MSRA: variants seen among roughly 807,000 people sequenced by gnomAD.
The protein encoded by MSRA is mitochondrial peptide methionine sulfoxide reductase.
A neutral mutation model predicts 31.3 loss-of-function variants in MSRA; 54 were observed. The observed-to-expected ratio is 1.73, with a 90% confidence interval of 1.39 to 2.17. MSRA has a LOEUF of 2.17. Among genes scored for constraint, MSRA ranks in the 30% most tolerant of loss-of-function variants. The pLI, the probability that MSRA is intolerant of heterozygous loss-of-function variation, is 0.00. For synonymous variants in MSRA, 169 were observed against 116.5 expected, an observed-to-expected ratio of 1.45 and a Z score of -2.90; for missense variants, 507 against 300.9, an observed-to-expected ratio of 1.69 and a Z score of -5.07.
chr8:10,216,209 A>G (rs1051548880), intron 2 of MSRA, among the ~76,000 whole-genome samples: 2 of 152,224 alleles, frequency 1.3e-5, no homozygotes, highest in African/African-American at 4.8e-5. Flanking sequence ...AATATATGCA[A>G]GACACAGCCA....
chr8:10,069,418 G>A (rs542778952), intron 1 of MSRA, among the ~76,000 whole-genome samples: 16 of 152,108 alleles, frequency 1.1e-4, no homozygotes, highest in East Asian at 1.9e-4. Context: ...GTTTGTCCTC[G>A]TCCATTCGTG....
At position 10,426,348 on chromosome 8, in the gene MSRA, C is replaced by G. The variant is rs188918891; in HGVS notation, c.544-1800C>G. ...TTACAGAATCGTTAGCAGGGCTGTT[C>G]GCGTGAAGGTCAGGGAAAAGCACCC... is the stretch of plus-strand genomic sequence containing the variant. On this transcript the variant is annotated intron_variant, in intron 5 of 5. Coordinates refer to ENST00000317173, the MANE Select transcript of MSRA (RefSeq NM_012331.5). 1.3e-3 allele frequency among the ~76,000 whole-genome samples: 205 copies of G among 152,274 alleles called. 6 individuals are homozygous for G. In the East Asian group the frequency reaches 0.025, roughly 19 times the overall value.
rs1049064802 is a variant in MSRA at position 10,358,871 on chromosome 8, C to T, written c.543+38882C>T. On this transcript the variant is annotated intron_variant, in intron 5 of 5. Coordinates refer to ENST00000317173, the MANE Select transcript of MSRA (RefSeq NM_012331.5). ...CCTCCCAAAGTGCTGGGATTACAGG[C>T]GTGAGCCACCAGCATTAGATTCTTA... Among the ~76,000 whole-genome samples, 10 of 149,012 alleles carry T rather than the reference C, an allele frequency of 6.7e-5. 1 individual carries two copies. Among genetic ancestry groups the T allele is most frequent in the South Asian group, 2.1e-4 (1 of 4,810 alleles).
intron 1 of MSRA, among the ~76,000 whole-genome samples, chr8:10,121,292 C>T (rs1424159915): frequency 3.3e-5 from 5 of 152,042 alleles, no homozygotes; most frequent in African/African-American, 4.8e-5. Flanking sequence ...GGCAGGGGAA[C>T]GGGAGGTTGC....
chr8:10,359,468 A>T (rs143157148), intron 5 of MSRA, among the ~76,000 whole-genome samples: 3 of 152,230 alleles, frequency 2.0e-5, no homozygotes, highest in Admixed American at 1.3e-4. Context: ...TTAAAGTAAT[A>T]TGCTGCATAT....
At chr8:10,113,841 T>C (rs1055418777) in intron 1 of MSRA, among the ~76,000 whole-genome samples, 2 of 152,292 alleles carry the variant, frequency 1.3e-5, no homozygotes, top group African/African-American at 4.8e-5. Flanking sequence ...CTCCATTTTA[T>C]AATTATACAA....
chr8:10,116,040 C>A (rs1174321501), intron 1 of MSRA, among the ~76,000 whole-genome samples: 2 of 152,154 alleles, frequency 1.3e-5, no homozygotes, highest in Non-Finnish European at 2.9e-5. Flanking sequence ...GGAACCACTG[C>A]TCTGAGTTGG....
rs61127238 is a variant in MSRA at position 10,180,091 on chromosome 8, C to T, written c.143-27742C>T. 5.3e-3 allele frequency among the ~76,000 whole-genome samples: 808 copies of T among 152,302 alleles called. 3 individuals are homozygous for T. The highest frequency in any genetic ancestry group is 9.7e-3 in the South Asian group (47 of 4,824). ...TAAGGGACTCAGTCCTTCAAGGCTG[C>T]CCCCAACTTCAGATGCCAATTGCAA... On this transcript the variant is annotated intron_variant, in intron 1 of 5. Transcript: ENST00000317173.
intron 1 of MSRA, among the ~76,000 whole-genome samples, chr8:10,106,581 T>A (rs1373466779): frequency 1.3e-5 from 2 of 152,096 alleles, no homozygotes; most frequent in South Asian, 2.1e-4. Flanking sequence ...ACCACACACG[T>A]TTCAGGTGAG....
intron 1 of MSRA, among the ~76,000 whole-genome samples, chr8:10,185,870 C>A (rs1807000917): frequency 6.6e-6 from 1 of 151,506 alleles, no homozygotes; most frequent in South Asian, 2.1e-4. Context: ...ACAACAGCTC[C>A]ATAAGATAGG....
intron 5 of MSRA, among the ~76,000 whole-genome samples, chr8:10,385,056 C>G (rs1259340939): frequency 6.6e-6 from 1 of 152,024 alleles, no homozygotes; most frequent in African/African-American, 2.4e-5. Flanking sequence ...TAGGGTGTTG[C>G]AGTGGGGAAG....
chr8:10,179,244 G>A (rs527290703), intron 1 of MSRA, among the ~76,000 whole-genome samples: 9 of 152,148 alleles, frequency 5.9e-5, no homozygotes, highest in Non-Finnish European at 1.2e-4. Flanking sequence ...AAATTACCCA[G>A]TTTTTTGAAG....
chr8:10,414,442 G>A (rs1464738044), intron 5 of MSRA, among the ~76,000 whole-genome samples: 2 of 152,164 alleles, frequency 1.3e-5, no homozygotes, highest in African/African-American at 4.8e-5. Context: ...CACCATCTCA[G>A]TTTGCCAGGA....
At chr8:10,144,953 G>A (rs1803013659) in intron 1 of MSRA, among the ~76,000 whole-genome samples, 1 of 151,014 alleles carries the variant, frequency 6.6e-6, no homozygotes, top group South Asian at 2.1e-4. Flanking sequence ...AAGCTGCTGG[G>A]CTCGTTTTGG....
chr8:10,144,388 G>A (rs1802959373), intron 1 of MSRA, among the ~76,000 whole-genome samples: 1 of 137,204 alleles, frequency 7.3e-6, no homozygotes, highest in African/African-American at 3.0e-5. Flanking sequence ...CCTAAAACCA[G>A]CGTAATAGTA....
At chr8:10,247,005 C>A (rs1797657444) in intron 3 of MSRA, among the ~76,000 whole-genome samples, 1 of 152,132 alleles carries the variant, frequency 6.6e-6, no homozygotes, top group African/African-American at 2.4e-5. Context: ...AAGAAAACCT[C>A]CAAGTATCTA....
At chr8:10,061,025 TC>T (rs1432981028) in intron 1 of MSRA, among the ~76,000 whole-genome samples, 1 of 152,230 alleles carries the variant, frequency 6.6e-6, no homozygotes, top group African/African-American at 2.4e-5. Context: ...AATTGTTATT[TC>T]CCCTCTTTGC....
At chr8:10,188,922 C>T (rs563198088) in intron 1 of MSRA, among the ~76,000 whole-genome samples, 2 of 152,328 alleles carry the variant, frequency 1.3e-5, no homozygotes, top group African/African-American at 4.8e-5. Context: ...TCTGAGGTTT[C>T]CATCAGCTTT....
At chr8:10,356,293 T>TA (rs900882963) in intron 5 of MSRA, among the ~76,000 whole-genome samples, 7 of 152,312 alleles carry the variant, frequency 4.6e-5, no homozygotes, top group Non-Finnish European at 7.4e-5. Context: ...CTTTTTGTTG[T>TA]AAAAAAAGAC....
Sources: allele counts gnomAD v4.1 joint callset (sites outside exome capture counted in the v4.1 genomes callset), GRCh38; gene constraint gnomAD v4.1.1; transcripts MANE v1.5; gene names NCBI Gene and HGNC (gene_info 2026-07-23, HGNC 2026-07-21).